Variants in TRRAP observed in about 807,000 individuals in gnomAD.
The protein encoded by TRRAP is transformation/transcription domain-associated protein.
TRRAP carries 41 observed loss-of-function variants against 438.8 expected under a neutral mutation model. The ratio of observed to expected loss-of-function variants is 0.09; its 90% CI spans 0.07 to 0.12. The LOEUF is 0.12. TRRAP is among the 10% of genes least tolerant of loss of function. The pLI is 1.00. For synonymous variants in TRRAP, 1,994 were observed against 1,962.9 expected (o/e 1.02, Z -0.42); for missense variants, 3,122 against 5,055.1 (o/e 0.62, Z 11.60).
intron 3 of TRRAP, among the ~76,000 whole-genome samples, chr7:98,885,995 T>C (rs1407695904): frequency 6.6e-6 from 1 of 152,162 alleles, no homozygotes; most frequent in African/African-American, 2.4e-5. Flanking sequence ...TAAAAGTTAG[T>C]GGGGCAAGTC....
intron 23 of TRRAP, 122 bp downstream of exon 23, chr7:98,927,488 C>A: frequency 7.9e-7 from 1 of 1,271,966 alleles, no homozygotes; most frequent in Non-Finnish European, 1.1e-6. Context: ...TGATTTTCGG[C>A]TTTTATTTTC....
chr7:98,993,335 T>A (rs1793510931), intron 65 of TRRAP, among the ~76,000 whole-genome samples: 1 of 152,258 alleles, frequency 6.6e-6, no homozygotes, highest in South Asian at 2.1e-4. Flanking sequence ...TGTAGACAAC[T>A]GCGCTGTCCC....
Position 98,930,615 on chromosome 7 carries a change from G to A in TRRAP, c.3394-18G>A. Reference sequence around the variant, plus strand: ...GAATTGCAGTAACGTGTTGTGGTTTGTTCATTTTCCTCTCCAGGCCTGCCA... The same window carrying A: ...GAATTGCAGTAACGTGTTGTGGTTTATTCATTTTCCTCTCCAGGCCTGCCA... On this transcript the variant is annotated intron_variant, in intron 24 of 72. Transcript: ENST00000456197. 3.7e-6 allele frequency: 6 copies of A among 1,612,428 alleles called. No individual in the cohort carries two copies. The highest frequency in any genetic ancestry group is 5.1e-6 in the Non-Finnish European group (6 of 1,179,772).
At chr7:98,954,413 C>G (rs1418135816) in intron 40 of TRRAP, among the ~76,000 whole-genome samples, 1 of 152,256 alleles carries the variant, frequency 6.6e-6, no homozygotes, top group Non-Finnish European at 1.5e-5. Context: ...ACATCTTTCT[C>G]TTGTGAACCT....
chr7:98,978,240 T>C lies in TRRAP; in HGVS notation c.8415T>C (p.Asp2805=), dbSNP rs34151047. 3.9e-4 allele frequency: 633 copies of C among 1,614,116 alleles called. 5 individuals are homozygous for C. The African/African-American group carries it at 7.4e-3, about 19-fold the overall frequency. ...QAQESYEKAM[D]KAKKEHERSN... is the part of the protein sequence containing the mutation. ...AAGAATCCTATGAAAAGGCAATGGA[T>C]AAAGCCAAAAAAGAACATGAGAGGA... Residue 2805 remains aspartate (D), a synonymous_variant, in exon 57 of 73, where the codon GAT becomes GAC. Coordinates refer to ENST00000456197, the MANE Select transcript of TRRAP (RefSeq NM_001375524.1).
intron 33 of TRRAP, among the ~76,000 whole-genome samples, chr7:98,946,812 C>A (rs562338895): frequency 1.3e-5 from 2 of 152,316 alleles, no homozygotes; most frequent in East Asian, 3.9e-4. Flanking sequence ...GTTGCAAAGA[C>A]CCAAAGAAGT....
At chr7:98,883,766 G>A (rs961290923) in intron 3 of TRRAP, among the ~76,000 whole-genome samples, 4 of 151,900 alleles carry the variant, frequency 2.6e-5, no homozygotes, top group East Asian at 1.9e-4. Context: ...CACCCACCTC[G>A]GCCTCCCAAA....
intron 56 of TRRAP, among the ~76,000 whole-genome samples, chr7:98,977,415 T>C (rs2116734806): frequency 6.6e-6 from 1 of 152,310 alleles, no homozygotes; most frequent in Admixed American, 6.5e-5. Flanking sequence ...CACCTCGGCC[T>C]CCCAAAGTGC....
intron 41 of TRRAP, 58 bp downstream of exon 41, chr7:98,955,362 C>T (rs1281470024): frequency 1.3e-6 from 2 of 1,507,566 alleles, no homozygotes; most frequent in African/African-American, 2.8e-5. Context: ...CACTTTGAAC[C>T]TTTACCTTGT....
chr7:98,892,566 T>C, intron 5 of TRRAP, 38 bp downstream of exon 5: 1 of 1,473,696 alleles, frequency 6.8e-7, no homozygotes, highest in Non-Finnish European at 9.3e-7. Context: ...TATAGCCGTA[T>C]GTAAAACTTT....
intron 63 of TRRAP, 79 bp downstream of exon 63, chr7:98,989,045 T>C: frequency 1.4e-6 from 2 of 1,466,404 alleles, no homozygotes; most frequent in Admixed American, 3.9e-5. Context: ...TATAGTTTAC[T>C]CATCCGTGCC....
chr7:98,919,736 T>C (rs1584311571), intron 20 of TRRAP, among the ~76,000 whole-genome samples: 1 of 152,270 alleles, frequency 6.6e-6, no homozygotes, highest in African/African-American at 2.4e-5. Context: ...TGACCCAGGG[T>C]GCATGAGCAG....
chr7:98,987,998 C>CTTTTTTG (rs1364246729), intron 62 of TRRAP, among the ~76,000 whole-genome samples: 1 of 151,934 alleles, frequency 6.6e-6, no homozygotes, highest in Non-Finnish European at 1.5e-5. Flanking sequence ...TTTATATTGA[C>CTTTTTTG]TTTTTTGTTT....
chr7:98,922,868 G>C (rs916237395), intron 21 of TRRAP, among the ~76,000 whole-genome samples: 3 of 152,128 alleles, frequency 2.0e-5, no homozygotes, highest in Non-Finnish European at 4.4e-5. Context: ...GTAGTACTGG[G>C]TGTGTTTACC....
chr7:98,911,103 A>C lies in TRRAP; in HGVS notation c.1839A>C (p.Thr613=), dbSNP rs782509535. 3.1e-6 allele frequency: 5 copies of C among 1,614,150 alleles called. No individual in the cohort carries two copies. In the Admixed American group the frequency reaches 6.7e-5, roughly 22 times the overall value. ...YQVQIAGNGQ[T]YIRVANCQTV... The stretch of plus-strand genomic sequence containing the variant: ...TCCAGATAGCAGGAAATGGACAGAC[A>C]TACATCCGTGTGGCCAACTGCCAGA... The change falls in exon 17 of 73, where the codon ACA becomes ACC. Residue 613 remains threonine (T), a synonymous_variant. Transcript: ENST00000456197.
chr7:98,927,124 A>G, intron 22 of TRRAP, 43 bp from the exon 23 acceptor site: 1 of 1,607,940 alleles, frequency 6.2e-7, no homozygotes, highest in Non-Finnish European at 8.5e-7. Context: ...TCATCAGCTC[A>G]GGAGTTGGGT....
Position 98,908,563 on chromosome 7 carries a change from C to T in TRRAP, c.1116-165C>T, listed in dbSNP as rs1261767145. Among the ~76,000 whole-genome samples, 3 of 151,914 alleles carry T rather than the reference C, an allele frequency of 2.0e-5. No individual in the cohort carries two copies. The highest frequency in any genetic ancestry group is 7.3e-5 in the African/African-American group (3 of 41,220). On this transcript the variant is annotated intron_variant, in intron 13 of 72. Transcript: ENST00000456197. The surrounding 1 kb of genome is among the most constrained non-coding windows in gnomAD (Gnocchi z 4.1). Reference sequence around the variant, plus strand: ...GAGGTATCAGTACAAAACTTGAGCCCTCTTCTGTCATGTATCTGGGAGAGA... The same window carrying T: ...GAGGTATCAGTACAAAACTTGAGCCTTCTTCTGTCATGTATCTGGGAGAGA...
intron 30 of TRRAP, among the ~76,000 whole-genome samples, chr7:98,941,346 T>G (rs1790787018): frequency 6.6e-6 from 1 of 152,122 alleles, no homozygotes; most frequent in Non-Finnish European, 1.5e-5. Flanking sequence ...CGGCTAGTTT[T>G]TGCGTTTTTA....
At chr7:98,927,694 G>T (rs1790115488) in intron 23 of TRRAP, among the ~76,000 whole-genome samples, 1 of 152,110 alleles carries the variant, frequency 6.6e-6, no homozygotes, top group Non-Finnish European at 1.5e-5. Flanking sequence ...TCCTCTGCCT[G>T]GCTGTGTTTT....
Sources: gnomAD v4.1 joint callset for allele counts (sites outside exome capture counted in the v4.1 genomes callset) on GRCh38, gnomAD v4.1.1 for gene constraint, Gnocchi (gnomAD v3.1) non-coding constraint, MANE v1.5 for transcripts, NCBI Gene and HGNC (gene_info 2026-07-23, HGNC 2026-07-21) for gene names.